The following ZSCAN25 variants were observed in gnomAD, a reference collection of about 807,000 sequenced individuals.
ZSCAN25 encodes the protein zinc finger and SCAN domain containing 25.
Under a neutral mutation model 38.7 loss-of-function variants are expected in ZSCAN25, and 27 were observed. The observed-to-expected ratio is 0.70, with a 90% CI of 0.51 to 0.96. ZSCAN25 has a LOEUF of 0.96. Among genes scored for constraint, ZSCAN25 ranks in the 40% least tolerant of loss-of-function variants. The pLI is 0.00. For synonymous variants in ZSCAN25, 273 were observed against 277.7 expected, an observed-to-expected ratio of 0.98 and a Z score of 0.17; for missense variants, 637 against 705.9, an observed-to-expected ratio of 0.90 and a Z score of 1.11.
chr7:99,663,334 C>A, the ZSCAN25 span: 1 of 995,098 alleles, frequency 1.0e-6, no homozygotes, highest in Non-Finnish European at 1.2e-6. Context: ...AATATTCCAA[C>A]ATTCTCAAAC....
At chr7:99,632,986 G>GTTTTTTTTTCTTTTTTTTTTTT, downstream of ZSCAN25, among the ~76,000 whole-genome samples, 1 of 141,540 alleles carries the variant, frequency 7.1e-6, no homozygotes, top group East Asian at 2.2e-4. Context: ...TGCATTTTCT[G>GTTTTTTTTTCTTTTTTTTTTTT]TTGTTTTTTT....
At chr7:99,729,867 G>A in the ZSCAN25 span, among the ~76,000 whole-genome samples, 1 of 152,144 alleles carries the variant, frequency 6.6e-6, no homozygotes, top group Non-Finnish European at 1.5e-5. Context: ...CTGCACCCAA[G>A]TGATTAAAAA....
At chr7:99,676,546 T>C in the ZSCAN25 span, 1 of 1,361,114 alleles carries the variant, frequency 7.3e-7, no homozygotes, top group Non-Finnish European at 9.7e-7. Flanking sequence ...GTTTAGTAAG[T>C]GGACTCTTCG....
chr7:99,724,336 G>A, the ZSCAN25 span, among the ~76,000 whole-genome samples: 4 of 152,200 alleles, frequency 2.6e-5, no homozygotes, highest in South Asian at 2.1e-4. Flanking sequence ...TTGATTTCTC[G>A]ATCTTATAAG....
At chr7:99,637,681 G>T in the ZSCAN25 span, among the ~76,000 whole-genome samples, 1 of 151,990 alleles carries the variant, frequency 6.6e-6, no homozygotes, top group South Asian at 2.1e-4. Flanking sequence ...TTACTATACT[G>T]GTCTTAGATA....
At chr7:99,692,150 A>T in the ZSCAN25 span, among the ~76,000 whole-genome samples, 1 of 152,182 alleles carries the variant, frequency 6.6e-6, no homozygotes, top group African/African-American at 2.4e-5. Flanking sequence ...TCCTTCACTT[A>T]TGAAGCTTAG....
chr7:99,619,352 A>C (rs540803587), intron 3 of ZSCAN25, among the ~76,000 whole-genome samples: 1 of 152,190 alleles, frequency 6.6e-6, no homozygotes, highest in Non-Finnish European at 1.5e-5. Flanking sequence ...TAAAAGCAAA[A>C]TCTTAGACAT....
At chr7:99,648,088 T>C in the ZSCAN25 span, 4 of 1,152,684 alleles carry the variant, frequency 3.5e-6, no homozygotes, top group African/African-American at 6.4e-5. Context: ...AGTCTACCTA[T>C]CTGTCACTTA....
At position 99,629,464 on chromosome 7, in the gene ZSCAN25, G is replaced by A. The variant is rs2151296962; in HGVS notation, c.1079G>A (p.Ser360Asn). 6.2e-7 allele frequency: 1 copy of A among 1,614,232 alleles called. No homozygotes were observed. The highest frequency in any genetic ancestry group is 2.2e-5 in the East Asian group (1 of 44,880). ...CPECGKGFSR[S>N]SNLVRHQRTH... Reference sequence around the variant, plus strand: ...GAGTGTGGGAAAGGATTCAGTCGGAGCTCCAATCTCGTCAGGCACCAGCGA... The same window carrying A: ...GAGTGTGGGAAAGGATTCAGTCGGAACTCCAATCTCGTCAGGCACCAGCGA... The change falls in exon 8 of 8, where the codon AGC becomes AAC. Residue 360 changes from serine (S) to asparagine (N), a missense_variant. Physicochemically the swap from Ser to Asn is conservative, Grantham distance 46. Coordinates refer to ENST00000394152, the MANE Select transcript of ZSCAN25 (RefSeq NM_145115.3). The surrounding 1 kb of genome is among the most constrained non-coding windows in gnomAD (Gnocchi z 5.6).
Position 99,629,134 on chromosome 7 carries a change from C to T in ZSCAN25, c.806-57C>T, listed in dbSNP as rs1807749786. 1.3e-6 allele frequency: 2 copies of T among 1,529,554 alleles called. No individual in the cohort carries two copies. Among genetic ancestry groups the T allele is most frequent in the South Asian group, 2.6e-5 (2 of 76,822 alleles). 94.7% of individuals were successfully genotyped at this position (1,529,554 alleles called of 1,614,324 possible). A position where few individuals can be genotyped will look rare whatever the true frequency, so the allele number is the denominator to read the frequency against. On this transcript the variant is annotated intron_variant, in intron 7 of 7. Coordinates refer to ENST00000394152, the MANE Select transcript of ZSCAN25 (RefSeq NM_145115.3). The surrounding 1 kb of genome is among the most constrained non-coding windows in gnomAD (Gnocchi z 5.6). ...GGACCCCTGTGAAGCAGAGTTCTAACATGTAAATGTCCTGCGGCTACCACA... is the reference window on the plus strand; with the variant it reads ...GGACCCCTGTGAAGCAGAGTTCTAATATGTAAATGTCCTGCGGCTACCACA...
At chr7:99,643,185 C>T in the ZSCAN25 span, among the ~76,000 whole-genome samples, 1 of 151,984 alleles carries the variant, frequency 6.6e-6, no homozygotes, top group Non-Finnish European at 1.5e-5. Flanking sequence ...AGCTTCTGAA[C>T]CTTTTATGGT....
At chr7:99,653,540 T>G in the ZSCAN25 span, among the ~76,000 whole-genome samples, 1 of 152,180 alleles carries the variant, frequency 6.6e-6, no homozygotes, top group East Asian at 1.9e-4. This position sits in a 1 kb window ranked among gnomAD's most constrained non-coding sequence, Gnocchi z 4.2. Context: ...AAATTTATGA[T>G]TGGATGCTAC....
At chr7:99,663,293 C>CA in the ZSCAN25 span, 28 of 995,438 alleles carry the variant, frequency 2.8e-5, no homozygotes, top group Non-Finnish European at 3.1e-5. Context: ...TTCCAGAACT[C>CA]ATCAGCAGCT....
chr7:99,734,723 GC>G, the ZSCAN25 span, among the ~76,000 whole-genome samples: 3 of 151,188 alleles, frequency 2.0e-5, no homozygotes, highest in African/African-American at 7.3e-5. Context: ...CCAGGTTCAA[GC>G]AATTCTCCTG....
At chr7:99,623,106 A>G (rs1375365950) in intron 6 of ZSCAN25, among the ~76,000 whole-genome samples, 2 of 152,180 alleles carry the variant, frequency 1.3e-5, no homozygotes, top group South Asian at 2.1e-4. Flanking sequence ...GCGCCCAGCC[A>G]CAGATGGACT....
the ZSCAN25 span, among the ~76,000 whole-genome samples, chr7:99,682,702 G>T: frequency 6.6e-6 from 1 of 151,628 alleles, no homozygotes; most frequent in South Asian, 2.1e-4. Flanking sequence ...TTGAATCTGT[G>T]CATTGCTTTG....
the ZSCAN25 span, chr7:99,652,807 A>G: frequency 1.3e-6 from 2 of 1,579,960 alleles, no homozygotes; most frequent in Non-Finnish European, 1.7e-6. Context: ...GAATTGGATA[A>G]TCTGAGATTT....
At chr7:99,634,163 C>CT (rs1808172801), downstream of ZSCAN25, among the ~76,000 whole-genome samples, 1 of 152,198 alleles carries the variant, frequency 6.6e-6, no homozygotes, top group Admixed American at 6.5e-5. Flanking sequence ...AAGAGAAACT[C>CT]TGTTTTCTCC....
the ZSCAN25 span, chr7:99,650,089 G>A: frequency 6.2e-7 from 1 of 1,614,010 alleles, no homozygotes; most frequent in African/African-American, 1.3e-5. Context: ...TTCTTTACAA[G>A]GTTTGAAGGA....
Sources: gnomAD v4.1 joint callset for allele counts (sites outside exome capture counted in the v4.1 genomes callset) on GRCh38, gnomAD v4.1.1 for gene constraint, Gnocchi (gnomAD v3.1) non-coding constraint, MANE v1.5 for transcripts, NCBI Gene and HGNC (gene_info 2026-07-23, HGNC 2026-07-21) for gene names.